Variants in OR7C1 observed in about 807,000 individuals in gnomAD.
The protein encoded by OR7C1 is olfactory receptor family 7 subfamily C member 1.
For missense variants in OR7C1, 324 were observed against 383.3 expected, an observed-to-expected ratio of 0.85 and a Z score of 1.29; for synonymous variants, 152 against 160.7, an observed-to-expected ratio of 0.95 and a Z score of 0.41.
At chr19:14,799,125 A>T (rs767915441) in exon 5 of OR7C1, 28 of 1,536,454 alleles carry the variant, frequency 1.8e-5, no homozygotes, top group Non-Finnish European at 2.4e-5. Flanking sequence ...ATGTTTGGAT[A>T]CATTCAAGAA....
exon 5 of OR7C1, chr19:14,798,887 G>A (rs2044624151): frequency 1.9e-5 from 5 of 265,656 alleles, no homozygotes; most frequent in East Asian, 7.8e-5. Context: ...CGCAGCAGCC[G>A]GCATTCACTC....
At chr19:14,825,866 A>T (rs540803928) in intron 1 of OR7C1, 1 of 152,488 alleles carries the variant, frequency 6.6e-6, no homozygotes, top group East Asian at 1.9e-4. Flanking sequence ...TTACTATGAG[A>T]TGACTTGTTA....
chr19:14,816,633 T>C (rs957457431), intron 1 of OR7C1, among the ~76,000 whole-genome samples: 54 of 152,210 alleles, frequency 3.5e-4, no homozygotes, highest in African/African-American at 1.3e-3. Flanking sequence ...TTTGAGGTTG[T>C]GGGACTCAGA....
chr19:14,827,576 A>G (rs2044782834), intron 1 of OR7C1: 1 of 1,614,188 alleles, frequency 6.2e-7, no homozygotes, highest in Non-Finnish European at 8.5e-7. Flanking sequence ...GTATGGAAGA[A>G]ATTATCTTAG....
intron 1 of OR7C1, among the ~76,000 whole-genome samples, chr19:14,819,646 C>A (rs968624971): frequency 3.3e-5 from 5 of 152,178 alleles, no homozygotes; most frequent in Non-Finnish European, 7.3e-5. Context: ...TCTTTTGCCA[C>A]TATGTGGAAC....
chr19:14,806,737 G>A (rs779147742), intron 2 of OR7C1, among the ~76,000 whole-genome samples: 11 of 151,922 alleles, frequency 7.2e-5, no homozygotes, highest in Non-Finnish European at 1.3e-4. Flanking sequence ...TGGCTGCGTA[G>A]TATTCTGTGG....
rs539835714 is a variant in OR7C1 at position 14,803,542 on chromosome 19, C to T, written c.-434-2778G>A. On this transcript the variant is annotated intron_variant, in intron 2 of 4. Coordinates refer to ENST00000641666, the Ensembl canonical transcript of OR7C1. ...AGCCTTTTCCTATTTGTCACAGCTG[C>T]CAGCATTCACCCGTGCAGGGTTCCA... 1.1e-3 allele frequency among the ~76,000 whole-genome samples: 165 copies of T among 152,058 alleles called. 4 individuals are homozygous for T. The South Asian group carries it at 0.031, about 29-fold the overall frequency.
At chr19:14,828,161 G>A (rs995698908) in intron 1 of OR7C1, 1 of 1,614,164 alleles carries the variant, frequency 6.2e-7, no homozygotes, top group Admixed American at 1.7e-5. Flanking sequence ...ACAGCCCAAA[G>A]AGGAAGGGTT....
chr19:14,815,667 A>G (rs114628998), intron 1 of OR7C1, among the ~76,000 whole-genome samples: 2,545 of 152,276 alleles, frequency 0.017, 52 homozygotes, highest in African/African-American at 0.048. Context: ...CCCTTAGTTT[A>G]GAAGGGAAAA....
In OR7C1 at chr19:14,827,975, G is replaced by A. The variant is rs768581254; in HGVS notation, c.-623+7099C>T. 2.6e-5 allele frequency: 42 copies of A among 1,614,112 alleles called. No homozygotes were observed. The South Asian group carries it at 4.3e-4, about 16-fold the overall frequency. ...GGCAGGCTATGTAGGTGATGACTTT[G>A]TTCTGTGTCTGGATGTTCATCAGCA... On this transcript the variant is annotated intron_variant, in intron 1 of 4. Transcript: ENST00000641666.
At chr19:14,818,389 C>T (rs1391815468) in intron 1 of OR7C1, among the ~76,000 whole-genome samples, 2 of 152,056 alleles carry the variant, frequency 1.3e-5, no homozygotes, top group Non-Finnish European at 2.9e-5. Context: ...CCACCGCGCC[C>T]GGCTGATAAG....
chr19:14,806,733 C>T (rs996059490), intron 2 of OR7C1, among the ~76,000 whole-genome samples: 14 of 151,822 alleles, frequency 9.2e-5, no homozygotes, highest in East Asian at 1.9e-4. Context: ...TTTATGGCTG[C>T]GTAGTATTCT....
At chr19:14,832,135 C>G (rs2044839399) in intron 1 of OR7C1, among the ~76,000 whole-genome samples, 1 of 152,140 alleles carries the variant, frequency 6.6e-6, no homozygotes. Flanking sequence ...GTCTCAAACT[C>G]TTGGCTTCAT....
At chr19:14,803,322 A>AG (rs897797064) in intron 2 of OR7C1, among the ~76,000 whole-genome samples, 3 of 151,518 alleles carry the variant, frequency 2.0e-5, no homozygotes, top group South Asian at 2.1e-4. Context: ...AAAAAAAAAA[A>AG]AAAAGAAAAG....
chr19:14,823,768 C>T (rs1599921718), intron 1 of OR7C1, among the ~76,000 whole-genome samples: 2 of 152,096 alleles, frequency 1.3e-5, no homozygotes, highest in African/African-American at 2.4e-5. Flanking sequence ...TAGTTTCATC[C>T]GTGTTTGAGT....
At chr19:14,820,216 C>A (rs1351521834) in intron 1 of OR7C1, among the ~76,000 whole-genome samples, 4 of 152,096 alleles carry the variant, frequency 2.6e-5, no homozygotes, top group African/African-American at 7.2e-5. Flanking sequence ...CGGGATAGAT[C>A]ATTTATTTTA....
rs188501494 is a variant in OR7C1, at chr19:14,816,315, G to C, written c.-622-6322C>G. On this transcript the variant is annotated intron_variant, in intron 1 of 4. Coordinates refer to ENST00000641666, the Ensembl canonical transcript of OR7C1. ...GTATTGATCCTGGGTGTGTCTGTGA[G>C]GGTGTTGCCAAAAAAGATTAACATT... Among the ~76,000 whole-genome samples, 117 of 152,276 alleles carry C rather than the reference G, an allele frequency of 7.7e-4. 1 individual carries two copies. The highest frequency in any genetic ancestry group is 2.8e-3 in the African/African-American group (117 of 41,554).
At chr19:14,816,604 C>A (rs2044717450) in intron 1 of OR7C1, among the ~76,000 whole-genome samples, 1 of 152,176 alleles carries the variant, frequency 6.6e-6, no homozygotes, top group Non-Finnish European at 1.5e-5. Flanking sequence ...CTGAAGGCTG[C>A]ACTATTGGCT....
intron 1 of OR7C1, among the ~76,000 whole-genome samples, chr19:14,813,215 A>G (rs1489197971): frequency 6.6e-6 from 1 of 152,106 alleles, no homozygotes; most frequent in Non-Finnish European, 1.5e-5. Flanking sequence ...TCCAAAATAT[A>G]CAAAAATAAT....
Sources: gnomAD v4.1 joint callset for allele counts (sites outside exome capture counted in the v4.1 genomes callset) on GRCh38, gnomAD v4.1.1 for gene constraint, MANE v1.5 for transcripts, NCBI Gene and HGNC (gene_info 2026-07-23, HGNC 2026-07-21) for gene names.